Variants in KLHDC10 observed in about 807,000 individuals in gnomAD.
KLHDC10 encodes the protein kelch domain-containing protein 10.
Under a neutral mutation model 56.1 loss-of-function variants are expected in KLHDC10, and 24 were observed. The ratio of observed to expected loss-of-function variants is 0.43; its 90% CI spans 0.31 to 0.60. KLHDC10 has a LOEUF of 0.60. Ranked by LOEUF, KLHDC10 falls within the 20% of genes least tolerant of loss-of-function variation. The pLI, the probability that KLHDC10 is intolerant of heterozygous loss-of-function variation, is 0.11. For missense variants in KLHDC10, 349 were observed against 567.0 expected (o/e 0.62, Z 3.91); for synonymous variants, 188 against 207.1 (o/e 0.91, Z 0.79).
chr7:130,098,532 A>G (rs191199998), intron 2 of KLHDC10, among the ~76,000 whole-genome samples: 98 of 152,266 alleles, frequency 6.4e-4, no homozygotes, highest in African/African-American at 2.1e-3. Context: ...AGTATTATCC[A>G]TTGTACACAC....
intron 1 of KLHDC10, among the ~76,000 whole-genome samples, chr7:130,081,453 G>C (rs1178704349): frequency 6.6e-6 from 1 of 152,006 alleles, no homozygotes; most frequent in African/African-American, 2.4e-5. Context: ...CCAGTAGCTG[G>C]GATTACAGGC....
chr7:130,109,537 A>T (rs1026416447), intron 2 of KLHDC10, among the ~76,000 whole-genome samples: 1 of 152,240 alleles, frequency 6.6e-6, no homozygotes, highest in African/African-American at 2.4e-5. Context: ...AACACTGATT[A>T]TTAACCCTAT....
intron 1 of KLHDC10, among the ~76,000 whole-genome samples, chr7:130,092,344 T>C (rs1329103756): frequency 6.6e-6 from 1 of 152,236 alleles, no homozygotes; most frequent in East Asian, 1.9e-4. Context: ...TGTTCGATTC[T>C]CTTTTGTGTC....
At chr7:130,095,587 C>T (rs1309566486) in intron 1 of KLHDC10, among the ~76,000 whole-genome samples, 1 of 152,112 alleles carries the variant, frequency 6.6e-6, no homozygotes, top group Non-Finnish European at 1.5e-5. Flanking sequence ...TCTCCTTTTC[C>T]ATGAGTCTGT....
intron 1 of KLHDC10, among the ~76,000 whole-genome samples, chr7:130,092,549 A>T (rs1795789636): frequency 6.6e-6 from 1 of 152,154 alleles, no homozygotes; most frequent in Non-Finnish European, 1.5e-5. Context: ...AGGCTCCTTC[A>T]GTGTGACTGT....
intron 4 of KLHDC10, among the ~76,000 whole-genome samples, 163 bp downstream of exon 4, chr7:130,121,066 C>T (rs981823911): frequency 6.6e-6 from 1 of 152,042 alleles, no homozygotes; most frequent in African/African-American, 2.4e-5. Flanking sequence ...ATTTGCAAAT[C>T]TGGTTACTTG....
chr7:130,077,878 C>CT (rs1326416174), intron 1 of KLHDC10, among the ~76,000 whole-genome samples: 1 of 151,660 alleles, frequency 6.6e-6, no homozygotes, highest in Non-Finnish European at 1.5e-5. Context: ...TCTTTTATAA[C>CT]TTTTATGTGG....
chr7:130,076,510 T>C (rs1162986278), intron 1 of KLHDC10, among the ~76,000 whole-genome samples: 2 of 152,242 alleles, frequency 1.3e-5, no homozygotes, highest in Non-Finnish European at 2.9e-5. Context: ...TTTTGTGTCA[T>C]AAGAAAGGCC....
chr7:130,110,278 T>C (rs895405486), intron 2 of KLHDC10, among the ~76,000 whole-genome samples: 1 of 152,244 alleles, frequency 6.6e-6, no homozygotes, highest in African/African-American at 2.4e-5. Flanking sequence ...CATGGGACTT[T>C]TTATAGACTT....
chr7:130,084,145 TC>T (rs1476514494), intron 1 of KLHDC10, among the ~76,000 whole-genome samples: 1 of 152,236 alleles, frequency 6.6e-6, no homozygotes, highest in Non-Finnish European at 1.5e-5. Flanking sequence ...GCTTCATATT[TC>T]TGAAGCTCAG....
Position 130,130,740 on chromosome 7 carries a change from G to C in KLHDC10, c.1323G>C (p.Leu441Phe). The C allele has an allele frequency of 6.2e-7, 1 of 1,613,830 alleles. No homozygotes were observed. The highest frequency in any genetic ancestry group is 8.5e-7 in the Non-Finnish European group (1 of 1,179,746). The change falls in exon 10 of 10, where the codon TTG becomes TTC. Residue 441 changes from leucine to phenylalanine, a missense_variant. Transcript: ENST00000335420. This position sits in a 1 kb window ranked among gnomAD's most constrained non-coding sequence, Gnocchi z 4.2. ...TCACACAGGGACTCATCGAACGCTT[G>C]AAATGAGGATTTCTGGACTGTTCAT... The part of the protein sequence containing the change: ...LGLTQGLIER[L>F]K
Position 130,088,608 on chromosome 7 carries a change from A to C in KLHDC10, c.167-8313A>C, listed in dbSNP as rs946517600. ...CACTTTCAAAATTGATCACTTTTCTAGTTTGGTTTTTTGTTTTTCTTTTTC... is the reference window on the plus strand; with the variant it reads ...CACTTTCAAAATTGATCACTTTTCTCGTTTGGTTTTTTGTTTTTCTTTTTC... On this transcript the variant is annotated intron_variant, in intron 1 of 9. Transcript: ENST00000335420. Among the ~76,000 whole-genome samples, 5 of 147,860 alleles carry C rather than the reference A, an allele frequency of 3.4e-5. No homozygotes were observed. In the East Asian group the frequency reaches 9.9e-4, roughly 29 times the overall value.
rs909143737 is a variant in KLHDC10 at position 130,130,872 on chromosome 7, A to T, written c.*126A>T. 1 of 851,408 alleles carries T rather than the reference A, an allele frequency of 1.2e-6. No individual in the cohort carries two copies. The highest frequency in any genetic ancestry group is 1.9e-6 in the Non-Finnish European group (1 of 539,010). The allele number at this position is 851,408 out of a possible 1,614,324, so 52.7% of individuals were successfully genotyped here. ...GATCAAGGCCTTATTTAGAAAATAC[A>T]TCAGATGCCTTTCTGTAAATTGGTT... On this transcript the variant is annotated 3_prime_UTR_variant, in exon 10 of 10. Coordinates refer to ENST00000335420, the MANE Select transcript of KLHDC10 (RefSeq NM_014997.4). This position sits in a 1 kb window ranked among gnomAD's most constrained non-coding sequence, Gnocchi z 4.2.
intron 1 of KLHDC10, among the ~76,000 whole-genome samples, chr7:130,088,590 A>T (rs972588933): frequency 6.8e-6 from 1 of 146,424 alleles, no homozygotes; most frequent in African/African-American, 2.5e-5. Context: ...CTTCACTTTC[A>T]AAATTGATCA....
intron 2 of KLHDC10, among the ~76,000 whole-genome samples, chr7:130,103,533 G>A (rs1259903878): frequency 2.0e-5 from 3 of 151,928 alleles, no homozygotes; most frequent in Non-Finnish European, 4.4e-5. Context: ...CTCCCTATAC[G>A]TTACTAAAGT....
In KLHDC10 at chr7:130,074,763, G is replaced by GCCCACCACCA. The variant is rs1795474490; in HGVS notation, c.166+3955_166+3956insCCACCACCAC. ...CCTGAGTAGTTGGGATTATAGGTGCGCGCCACTGTGCTACTTTTTGTATTT... is the reference window on the plus strand; with the variant it reads ...CCTGAGTAGTTGGGATTATAGGTGCGCCCACCACCACGCCACTGTGCTACTTTTTGTATTT... On this transcript the variant is annotated intron_variant, in intron 1 of 9. Coordinates refer to ENST00000335420, the MANE Select transcript of KLHDC10 (RefSeq NM_014997.4). 6.6e-5 allele frequency among the ~76,000 whole-genome samples: 10 copies of GCCCACCACCA among 151,926 alleles called. 1 individual carries two copies. In the South Asian group the frequency reaches 1.9e-3, roughly 28 times the overall value.
intron 2 of KLHDC10, among the ~76,000 whole-genome samples, chr7:130,108,488 A>T (rs1796048818): frequency 6.6e-6 from 1 of 150,670 alleles, no homozygotes; most frequent in Admixed American, 6.6e-5. Context: ...GGATCGCTTA[A>T]ACTCAGGAGT....
chr7:130,095,295 T>C (rs1426546429), intron 1 of KLHDC10, among the ~76,000 whole-genome samples: 1 of 151,990 alleles, frequency 6.6e-6, no homozygotes, highest in Non-Finnish European at 1.5e-5. Context: ...CGAAAAAATA[T>C]TAAAAAGAAA....
At chr7:130,122,955 T>C (rs1205995308) in intron 5 of KLHDC10, among the ~76,000 whole-genome samples, 1 of 152,130 alleles carries the variant, frequency 6.6e-6, no homozygotes, top group East Asian at 1.9e-4. Context: ...CCAGTGAATG[T>C]TGATTGGATA....
Sources: allele counts gnomAD v4.1 joint callset (sites outside exome capture counted in the v4.1 genomes callset), GRCh38; gene constraint gnomAD v4.1.1; non-coding constraint Gnocchi (gnomAD v3.1); transcripts MANE v1.5; gene names NCBI Gene and HGNC (gene_info 2026-07-23, HGNC 2026-07-21).